DSCAM: variants seen among roughly 807,000 people sequenced by gnomAD.
DSCAM encodes the protein DS cell adhesion molecule.
Under a neutral mutation model 217.7 loss-of-function variants are expected in DSCAM, and 47 were observed. That is an observed-to-expected ratio of 0.22 (90% CI 0.17 to 0.28). The LOEUF is 0.28. Among genes scored for constraint, DSCAM ranks in the 10% least tolerant of loss-of-function variants. The pLI is 1.00. For missense variants in DSCAM, 2,080 were observed against 2,618.3 expected, an observed-to-expected ratio of 0.79 and a Z score of 4.49; for synonymous variants, 1,056 against 1,015.3, an observed-to-expected ratio of 1.04 and a Z score of -0.76.
intron 3 of DSCAM, among the ~76,000 whole-genome samples, chr21:40,492,650 G>A (rs2076085313): frequency 6.6e-6 from 1 of 150,594 alleles, no homozygotes; most frequent in African/African-American, 2.5e-5. Flanking sequence ...GAAAGAATCT[G>A]TGAACTTAAA....
intron 1 of DSCAM, among the ~76,000 whole-genome samples, chr21:40,825,318 T>C (rs145632184): frequency 4.4e-5 from 6 of 134,842 alleles, no homozygotes; most frequent in African/African-American, 5.7e-5. Flanking sequence ...TCCTTCCTTT[T>C]TTTCTTCCTT....
intron 3 of DSCAM, among the ~76,000 whole-genome samples, chr21:40,454,855 G>A (rs2075750607): frequency 6.6e-6 from 1 of 152,194 alleles, no homozygotes; most frequent in Non-Finnish European, 1.5e-5. Flanking sequence ...AATAGTAGGA[G>A]AGGCAGGGCC....
intron 3 of DSCAM, among the ~76,000 whole-genome samples, chr21:40,534,795 TTTTAA>T (rs2076482347): frequency 6.6e-6 from 1 of 152,216 alleles, no homozygotes; most frequent in Admixed American, 6.5e-5. Flanking sequence ...ATATTACTTA[TTTTAA>T]TTTAATCTAT....
At chr21:40,175,789 ACACACACACACACACACACG>A (rs887959682) in intron 15 of DSCAM, among the ~76,000 whole-genome samples, 3 of 101,242 alleles carry the variant, frequency 3.0e-5, no homozygotes, top group African/African-American at 1.2e-4. Flanking sequence ...ATACACACAC[ACACACACACACACACACACG>A]CACACACACA....
intron 8 of DSCAM, among the ~76,000 whole-genome samples, chr21:40,327,863 T>C (rs1244372254): frequency 6.6e-6 from 1 of 152,068 alleles, no homozygotes; most frequent in Admixed American, 6.6e-5. Flanking sequence ...GTGAACTATC[T>C]GAAAAAAATT....
At chr21:40,392,092 T>C (rs941610680) in intron 3 of DSCAM, among the ~76,000 whole-genome samples, 1 of 152,192 alleles carries the variant, frequency 6.6e-6, no homozygotes, top group African/African-American at 2.4e-5. Context: ...ATCTCCATGG[T>C]TATTCTACAT....
chr21:40,452,225 T>C (rs1221213590), intron 3 of DSCAM, among the ~76,000 whole-genome samples: 2 of 112,254 alleles, frequency 1.8e-5, no homozygotes, highest in South Asian at 2.8e-4. Flanking sequence ...ACATACTATG[T>C]ATACACTATA....
At chr21:40,192,832 A>G (rs2090966394) in intron 11 of DSCAM, among the ~76,000 whole-genome samples, 2 of 152,156 alleles carry the variant, frequency 1.3e-5, no homozygotes, top group East Asian at 3.9e-4. Context: ...ACTGATGCAC[A>G]CTGGGGTTGT....
chr21:40,579,197 G>C (rs1010494634), intron 3 of DSCAM, among the ~76,000 whole-genome samples: 43 of 151,922 alleles, frequency 2.8e-4, no homozygotes, highest in African/African-American at 9.9e-4. Flanking sequence ...TGGATCATCT[G>C]AAAGCAACAA....
At chr21:40,573,117 C>A (rs2076821195) in intron 3 of DSCAM, among the ~76,000 whole-genome samples, 1 of 152,142 alleles carries the variant, frequency 6.6e-6, no homozygotes, top group Non-Finnish European at 1.5e-5. Flanking sequence ...GCGGGCAGAT[C>A]ATGAGGTCAG....
At chr21:40,171,732 T>C (rs1318657794) in intron 15 of DSCAM, among the ~76,000 whole-genome samples, 1 of 152,216 alleles carries the variant, frequency 6.6e-6, no homozygotes, top group African/African-American at 2.4e-5. Flanking sequence ...AAAACATTAC[T>C]TTAAAAATTT....
chr21:40,651,873 A>C (rs891231950), intron 3 of DSCAM, among the ~76,000 whole-genome samples: 2 of 152,196 alleles, frequency 1.3e-5, no homozygotes, highest in Non-Finnish European at 2.9e-5. Context: ...CAATGAGATA[A>C]AGACATTTTT....
chr21:40,265,279 A>G (rs1402280860), intron 11 of DSCAM, among the ~76,000 whole-genome samples: 1 of 152,108 alleles, frequency 6.6e-6, no homozygotes, highest in Non-Finnish European at 1.5e-5. Context: ...ACACTTAATA[A>G]ATATACTCTA....
intron 20 of DSCAM, among the ~76,000 whole-genome samples, chr21:40,094,231 C>T (rs1402059588): frequency 6.6e-6 from 1 of 152,154 alleles, no homozygotes; most frequent in African/African-American, 2.4e-5. Flanking sequence ...AAAAGCATTG[C>T]ACATCAGGTA....
At chr21:40,775,339 A>G (rs2123404806) in intron 1 of DSCAM, among the ~76,000 whole-genome samples, 1 of 152,274 alleles carries the variant, frequency 6.6e-6, no homozygotes, top group East Asian at 1.9e-4. Flanking sequence ...GTTAGGTGTT[A>G]ACTTGATTAA....
chr21:40,807,235 C>T (rs1018911636), intron 1 of DSCAM, among the ~76,000 whole-genome samples: 48 of 152,310 alleles, frequency 3.2e-4, no homozygotes, highest in African/African-American at 1.0e-3. Context: ...TGGCTGACCA[C>T]GTAACCATAT....
intron 1 of DSCAM, among the ~76,000 whole-genome samples, chr21:40,730,620 C>T (rs1426139397): frequency 7.2e-5 from 11 of 152,088 alleles, no homozygotes; most frequent in African/African-American, 2.4e-4. Context: ...AAGCCTGGCA[C>T]GCTGTCCAGC....
At chr21:40,795,867 G>T (rs2091687264) in intron 1 of DSCAM, among the ~76,000 whole-genome samples, 2 of 152,156 alleles carry the variant, frequency 1.3e-5, no homozygotes, top group Admixed American at 6.5e-5. Context: ...GCCTCAGTAT[G>T]TTTCATGTAT....
intron 18 of DSCAM, among the ~76,000 whole-genome samples, chr21:40,139,668 G>A (rs2090264292): frequency 6.6e-6 from 1 of 151,996 alleles, no homozygotes; most frequent in Non-Finnish European, 1.5e-5. Context: ...GTGTACGTGT[G>A]GTGTGGTATG....
Sources: allele counts gnomAD v4.1 joint callset (sites outside exome capture counted in the v4.1 genomes callset), GRCh38; gene constraint gnomAD v4.1.1; transcripts MANE v1.5; gene names NCBI Gene and HGNC (gene_info 2026-07-23, HGNC 2026-07-21).